The following OPCML variants were observed in gnomAD, a reference collection of about 807,000 sequenced individuals.
OPCML encodes opioid binding protein/cell adhesion molecule like.
In OPCML, 13 loss-of-function variants were observed where a neutral mutation model predicts 37.8. The observed-to-expected ratio is 0.34, with a 90% CI of 0.22 to 0.55. The LOEUF (loss-of-function observed/expected upper bound fraction) is 0.55. Ranked by LOEUF, OPCML falls within the 20% of genes least tolerant of loss-of-function variation. OPCML has a pLI of 0.91. For synonymous variants in OPCML, 176 were observed against 168.8 expected (o/e 1.04, Z -0.33); for missense variants, 341 against 435.6 (o/e 0.78, Z 1.93).
intron 1 of OPCML, among the ~76,000 whole-genome samples, chr11:133,401,449 A>T (rs867527458): frequency 1.8e-4 from 27 of 152,188 alleles, no homozygotes; most frequent in Middle Eastern, 3.4e-3. Flanking sequence ...TTATTATTAT[A>T]ATTTTCCTTT....
intron 1 of OPCML, among the ~76,000 whole-genome samples, chr11:133,120,240 A>T (rs1018165993): frequency 6.6e-6 from 1 of 151,972 alleles, no homozygotes; most frequent in Non-Finnish European, 1.5e-5. Flanking sequence ...ACACACATAC[A>T]CACACGCACA....
chr11:132,442,797 T>C (rs2096040767), intron 4 of OPCML, among the ~76,000 whole-genome samples: 1 of 152,136 alleles, frequency 6.6e-6, no homozygotes, highest in Non-Finnish European at 1.5e-5. Context: ...ATGTAAGATG[T>C]CCCTTGCTCT....
At chr11:132,842,035 C>T (rs1941315042) in intron 2 of OPCML, among the ~76,000 whole-genome samples, 1 of 152,076 alleles carries the variant, frequency 6.6e-6, no homozygotes, top group Non-Finnish European at 1.5e-5. Context: ...CTCAGTAACA[C>T]AGGGGAAAGT....
chr11:132,854,726 A>G (rs975196835), intron 2 of OPCML, among the ~76,000 whole-genome samples: 4 of 152,340 alleles, frequency 2.6e-5, no homozygotes, highest in South Asian at 2.1e-4. Context: ...TGCTTTCACT[A>G]GTTGATAGAC....
intron 2 of OPCML, among the ~76,000 whole-genome samples, chr11:132,804,145 C>T (rs1006723367): frequency 5.9e-5 from 9 of 152,126 alleles, no homozygotes; most frequent in African/African-American, 9.7e-5. Flanking sequence ...CCCCACAGTT[C>T]GCCAGGTTTC....
intron 1 of OPCML, among the ~76,000 whole-genome samples, chr11:133,052,201 A>G (rs1221165731): frequency 6.6e-6 from 1 of 152,218 alleles, no homozygotes; most frequent in African/African-American, 2.4e-5. Context: ...GGAGAGTTGG[A>G]GAATTATAGT....
intron 1 of OPCML, among the ~76,000 whole-genome samples, chr11:133,150,926 C>T (rs1409462118): frequency 6.6e-6 from 1 of 152,074 alleles, no homozygotes; most frequent in Non-Finnish European, 1.5e-5. Flanking sequence ...ACATCCTCCC[C>T]TGCCCCGGAA....
intron 1 of OPCML, among the ~76,000 whole-genome samples, chr11:133,308,759 G>A (rs951929246): frequency 6.6e-6 from 1 of 152,128 alleles, no homozygotes; most frequent in Non-Finnish European, 1.5e-5. Flanking sequence ...GCAGAGTTCA[G>A]GATTAAGAAT....
In OPCML at chr11:133,208,515, T is replaced by A. The variant is rs1939210181; in HGVS notation, c.62-265505A>T. Among the ~76,000 whole-genome samples, 2 of 152,220 alleles carry A rather than the reference T, an allele frequency of 1.3e-5. No homozygotes were observed. Among genetic ancestry groups the A allele is most frequent in the African/African-American group, 4.8e-5 (2 of 41,450 alleles). On this transcript the variant is annotated intron_variant, in intron 1 of 7. Coordinates refer to ENST00000524381, the MANE Select transcript of OPCML (RefSeq NM_001012393.5). This position sits in a 1 kb window ranked among gnomAD's most constrained non-coding sequence, Gnocchi z 8.9. ...TTGGATAATAAAGTGCAATGAAGTA[T>A]GTCAGTAGGGCATCGTAAATATAAT... is the stretch of plus-strand genomic sequence containing the variant.
In OPCML at chr11:133,448,925, AAC is replaced by A. The variant is rs150780557; in HGVS notation, c.61+83337_61+83338del. On this transcript the variant is annotated intron_variant, in intron 1 of 7. Coordinates refer to ENST00000524381, the MANE Select transcript of OPCML (RefSeq NM_001012393.5). ...TCTACTGCCAAATTTGTAATCTATT[AAC>A]ACATACAGACAAATAATAACACATA... Among the ~76,000 whole-genome samples, 343 of 152,366 alleles carry A rather than the reference AAC, an allele frequency of 2.3e-3. 1 individual carries two copies. Among genetic ancestry groups the A allele is most frequent in the African/African-American group, 7.5e-3 (312 of 41,588 alleles).
intron 2 of OPCML, among the ~76,000 whole-genome samples, chr11:132,856,665 G>T (rs1276516029): frequency 6.6e-6 from 1 of 152,130 alleles, no homozygotes; most frequent in Non-Finnish European, 1.5e-5. Context: ...CTTCCTCTAG[G>T]AATACTCAAC....
intron 1 of OPCML, among the ~76,000 whole-genome samples, chr11:133,339,663 G>A (rs1943819667): frequency 6.6e-6 from 1 of 152,092 alleles, no homozygotes; most frequent in Non-Finnish European, 1.5e-5. Flanking sequence ...GCTCTGCAGT[G>A]GTCTCTAGAG....
At chr11:132,695,756 A>G (rs1479819432) in intron 2 of OPCML, among the ~76,000 whole-genome samples, 1 of 152,234 alleles carries the variant, frequency 6.6e-6, no homozygotes, top group South Asian at 2.1e-4. Context: ...AAAAGGAATC[A>G]TCACATAACA....
chr11:133,078,931 G>GGGTTATAAAGGGGTTATA (rs1431654110), intron 1 of OPCML, among the ~76,000 whole-genome samples: 3 of 152,060 alleles, frequency 2.0e-5, no homozygotes, highest in Admixed American at 1.3e-4. Flanking sequence ...GGTTATAAAC[G>GGGTTATAAAGGGGTTATA]ACAGATTTTA....
At chr11:132,720,207 A>G (rs542156029) in intron 2 of OPCML, among the ~76,000 whole-genome samples, 11 of 152,210 alleles carry the variant, frequency 7.2e-5, no homozygotes, top group Non-Finnish European at 1.5e-4. Context: ...TTTTGGCCTG[A>G]TAGGATGGAA....
intron 1 of OPCML, among the ~76,000 whole-genome samples, chr11:133,028,348 T>C (rs559326611): frequency 6.6e-6 from 1 of 152,232 alleles, no homozygotes; most frequent in South Asian, 2.1e-4. Flanking sequence ...TACCATCCTC[T>C]CCTGAAGGTA....
rs747062268 is a variant in OPCML at position 132,436,123 on chromosome 11, G to A, written c.879C>T (p.Asn293=). 1 of 1,614,186 alleles carries A rather than the reference G, an allele frequency of 6.2e-7. No homozygotes were observed. The highest frequency in any genetic ancestry group is 1.7e-5 in the Admixed American group (1 of 60,026). The part of the protein sequence containing the change: ...DYGNYTCVAT[N]KLGNTNASIT... ...TGCTGGCATTGGTGTTCCCAAGCTT[G>A]TTCGTGGCCACACAAGTATAGTTCC... The change falls in exon 7 of 8, where the codon AAC becomes AAT. Residue 293 remains asparagine (N), a synonymous_variant. Coordinates refer to ENST00000524381, the MANE Select transcript of OPCML (RefSeq NM_001012393.5).
At chr11:133,322,953 C>A (rs995170288) in intron 1 of OPCML, among the ~76,000 whole-genome samples, 1 of 152,142 alleles carries the variant, frequency 6.6e-6, no homozygotes, top group African/African-American at 2.4e-5. Flanking sequence ...TTGCACAAGA[C>A]CTGGTATATA....
intron 2 of OPCML, among the ~76,000 whole-genome samples, chr11:132,758,432 A>G (rs950266744): frequency 6.6e-6 from 1 of 152,198 alleles, no homozygotes; most frequent in South Asian, 2.1e-4. Flanking sequence ...CTTCCTATCC[A>G]TGAGCATGGA....
Sources: gnomAD v4.1 joint callset for allele counts (sites outside exome capture counted in the v4.1 genomes callset) on GRCh38, gnomAD v4.1.1 for gene constraint, Gnocchi (gnomAD v3.1) non-coding constraint, MANE v1.5 for transcripts, NCBI Gene and HGNC (gene_info 2026-07-23, HGNC 2026-07-21) for gene names.